The following MGAT4C variants were observed in gnomAD, a reference collection of about 807,000 sequenced individuals.
The protein encoded by MGAT4C is alpha-1,3-mannosyl-glycoprotein 4-beta-N-acetylglucosaminyltransferase C.
In MGAT4C, 19 loss-of-function variants were observed where a neutral mutation model predicts 40.1. The ratio of observed to expected loss-of-function variants is 0.47; its 90% CI spans 0.33 to 0.70. The LOEUF (loss-of-function observed/expected upper bound fraction) is 0.70. Among genes scored for constraint, MGAT4C ranks in the 30% least tolerant of loss-of-function variants. The pLI is 0.02. For synonymous variants in MGAT4C, 181 were observed against 187.1 expected (o/e 0.97, Z 0.27); for missense variants, 491 against 563.2 (o/e 0.87, Z 1.30).
chr12:86,723,035 T>C (rs956333158), intron 2 of MGAT4C, among the ~76,000 whole-genome samples: 7 of 152,224 alleles, frequency 4.6e-5, no homozygotes, highest in Non-Finnish European at 1.0e-4. Flanking sequence ...TGGCATTGAA[T>C]TCATGTTCAA....
chr12:85,994,511 G>C (rs1886375077), intron 2 of MGAT4C, among the ~76,000 whole-genome samples: 1 of 151,902 alleles, frequency 6.6e-6, no homozygotes, highest in African/African-American at 2.4e-5. Flanking sequence ...TAGACTGCAG[G>C]CCGTTAAAAA....
intron 2 of MGAT4C, among the ~76,000 whole-genome samples, chr12:86,568,363 T>C (rs1049848427): frequency 1.3e-5 from 2 of 152,040 alleles, no homozygotes; most frequent in Admixed American, 6.6e-5. Flanking sequence ...ATTCCCCTTA[T>C]GCACTCTTGG....
chr12:86,304,773 A>G (rs1953894085), intron 4 of MGAT4C, among the ~76,000 whole-genome samples: 1 of 150,810 alleles, frequency 6.6e-6, no homozygotes, highest in Non-Finnish European at 1.5e-5. Flanking sequence ...AGAGATGCAG[A>G]CACATGAGAG....
intron 2 of MGAT4C, among the ~76,000 whole-genome samples, chr12:86,524,127 C>T (rs1362825255): frequency 2.0e-5 from 3 of 152,156 alleles, no homozygotes; most frequent in African/African-American, 2.4e-5. Context: ...TTGATCCTGT[C>T]ATCATGATGT....
intron 2 of MGAT4C, among the ~76,000 whole-genome samples, chr12:86,441,227 T>C (rs755082692): frequency 5.3e-5 from 8 of 152,092 alleles, no homozygotes; most frequent in Non-Finnish European, 1.0e-4. Context: ...ACTACAAGGA[T>C]ATAGTAACCA....
chr12:86,297,297 G>A (rs1480351918), intron 4 of MGAT4C, among the ~76,000 whole-genome samples: 4 of 152,166 alleles, frequency 2.6e-5, no homozygotes, highest in African/African-American at 9.7e-5. Context: ...CTGTACAACA[G>A]TGGGAGGCAA....
chr12:85,956,667 T>C lies in MGAT4C; in HGVS notation c.*22622A>G, dbSNP rs1316196221. Reference sequence around the variant, plus strand: ...AGTTTTCAGCCTGTCTTGTAAGATTTAACCCAAGCTACAGTGGGAAAACCA... The same window carrying C: ...AGTTTTCAGCCTGTCTTGTAAGATTCAACCCAAGCTACAGTGGGAAAACCA... On this transcript the variant is annotated 3_prime_UTR_variant, in exon 5 of 5. Transcript: ENST00000611864. The C allele has an allele frequency of 6.6e-6, 1 of 152,182 alleles. No individual in the cohort carries two copies. The highest frequency in any genetic ancestry group is 1.5e-5 in the Non-Finnish European group (1 of 68,004). The allele number at this position is 152,182 out of a possible 1,614,324, so 9.4% of individuals were successfully genotyped here.
chr12:86,513,476 G>T (rs1402687784), intron 2 of MGAT4C, among the ~76,000 whole-genome samples: 2 of 152,164 alleles, frequency 1.3e-5, no homozygotes, highest in Admixed American at 1.3e-4. Flanking sequence ...AAGTTAGCCT[G>T]CTGTAGTTTT....
intron 2 of MGAT4C, among the ~76,000 whole-genome samples, chr12:86,647,863 A>G (rs1963585305): frequency 6.6e-6 from 1 of 151,914 alleles, no homozygotes. Context: ...AAGTCTTCCT[A>G]ATTCCCTGTA....
At chr12:86,770,968 T>C (rs1410046803) in intron 1 of MGAT4C, among the ~76,000 whole-genome samples, 20 of 152,034 alleles carry the variant, frequency 1.3e-4, no homozygotes, top group Admixed American at 1.3e-3. Context: ...AGAATGTAAT[T>C]GTATTTGGAG....
chr12:86,105,479 T>A (rs1221209608), intron 1 of MGAT4C, among the ~76,000 whole-genome samples: 2 of 152,112 alleles, frequency 1.3e-5, no homozygotes, highest in Non-Finnish European at 2.9e-5. Context: ...AGCAGTAAAA[T>A]TTTTATCTCA....
intron 2 of MGAT4C, among the ~76,000 whole-genome samples, chr12:86,584,147 A>T (rs1213644331): frequency 6.6e-6 from 1 of 150,928 alleles, no homozygotes; most frequent in Admixed American, 6.6e-5. Context: ...GAATATCCAC[A>T]TATACATTGA....
intron 3 of MGAT4C, among the ~76,000 whole-genome samples, chr12:85,986,109 A>G (rs1195736935): frequency 6.6e-6 from 1 of 152,236 alleles, no homozygotes; most frequent in African/African-American, 2.4e-5. Context: ...ACTTTATTAA[A>G]TTCTCAGGAA....
chr12:86,631,394 G>GA (rs1963037927), intron 2 of MGAT4C, among the ~76,000 whole-genome samples: 2 of 151,976 alleles, frequency 1.3e-5, no homozygotes, highest in Non-Finnish European at 2.9e-5. Flanking sequence ...CACAGAATTA[G>GA]AAAAAACTAC....
chr12:86,021,700 G>T (rs965565726), intron 2 of MGAT4C, among the ~76,000 whole-genome samples: 1 of 151,948 alleles, frequency 6.6e-6, no homozygotes, highest in Non-Finnish European at 1.5e-5. Context: ...TAACAAACCT[G>T]CACGTTGTGC....
intron 2 of MGAT4C, among the ~76,000 whole-genome samples, chr12:86,692,224 C>T (rs1183992136): frequency 1.3e-5 from 2 of 152,042 alleles, no homozygotes; most frequent in Non-Finnish European, 2.9e-5. Flanking sequence ...TAAAGACAGA[C>T]TATTTGAAAA....
chr12:86,548,118 G>A (rs1256459168), intron 2 of MGAT4C, among the ~76,000 whole-genome samples: 2 of 152,076 alleles, frequency 1.3e-5, no homozygotes, highest in Non-Finnish European at 2.9e-5. Context: ...TCCCACATTA[G>A]AAGCTAAATT....
At chr12:86,695,664 C>T (rs529853247) in intron 2 of MGAT4C, among the ~76,000 whole-genome samples, 51 of 151,954 alleles carry the variant, frequency 3.4e-4, no homozygotes, top group Non-Finnish European at 4.9e-4. Context: ...GTGAAAAGGC[C>T]AGGCACAGAA....
chr12:86,785,841 G>A (rs375274029), intron 1 of MGAT4C, among the ~76,000 whole-genome samples: 7 of 151,474 alleles, frequency 4.6e-5, no homozygotes, highest in East Asian at 1.9e-4. Flanking sequence ...AATTTTTTAG[G>A]TACCCAAAAT....
Sources: allele counts gnomAD v4.1 joint callset (sites outside exome capture counted in the v4.1 genomes callset), GRCh38; gene constraint gnomAD v4.1.1; transcripts MANE v1.5; gene names NCBI Gene and HGNC (gene_info 2026-07-23, HGNC 2026-07-21).